Variants in VPS35L observed in about 807,000 individuals in gnomAD.
The protein encoded by VPS35L is VPS35 endosomal protein sorting factor like.
Under a neutral mutation model 133.0 loss-of-function variants are expected in VPS35L, and 83 were observed. That is an observed-to-expected ratio of 0.62 (90% confidence interval 0.52 to 0.75). The LOEUF (loss-of-function observed/expected upper bound fraction) is 0.75, where lower values mean the gene tolerates loss of function less well. VPS35L is among the 30% of genes least tolerant of loss of function. The pLI is 0.00. For synonymous variants in VPS35L, 423 were observed against 449.9 expected (o/e 0.94, Z 0.76); for missense variants, 1,083 against 1,206.8 (o/e 0.90, Z 1.52).
rs774068706 is a variant in VPS35L, at chr16:19,637,580, T to C, written c.1636-14T>C. On this transcript the variant is annotated splice_polypyrimidine_tract_variant and intron_variant, in intron 19 of 30. Transcript: ENST00000417362. ...AGTTTTTAAAAATAATATTTTTGTT[T>C]GTTTGTTTTACAGCTTCAGTTAATA... is the stretch of plus-strand genomic sequence containing the variant. 2 of 1,508,844 alleles carry C rather than the reference T, an allele frequency of 1.3e-6. No homozygotes were observed. The highest frequency in any genetic ancestry group is 2.8e-5 in the African/African-American group (2 of 71,080). The allele number at this position is 1,508,844 out of a possible 1,614,324, so 93.5% of individuals were successfully genotyped here. A position where few individuals can be genotyped will look rare whatever the true frequency, so the allele number is the denominator to read the frequency against.
intron 26 of VPS35L, among the ~76,000 whole-genome samples, chr16:19,656,733 A>G (rs185327173): frequency 4.6e-4 from 70 of 152,090 alleles, no homozygotes; most frequent in African/African-American, 1.7e-3. Context: ...TCAAATGATG[A>G]AAGTATGCCA....
rs1323923053 is a variant in VPS35L at position 19,633,242 on chromosome 16, G to T, written c.1635+70G>T. 5.9e-6 allele frequency: 8 copies of T among 1,360,084 alleles called. No individual in the cohort carries two copies. The East Asian group carries it at 1.8e-4, about 31-fold the overall frequency. The allele number at this position is 1,360,084 out of a possible 1,614,324, so 84.3% of individuals were successfully genotyped here. On this transcript the variant is annotated intron_variant, in intron 19 of 30. Coordinates refer to ENST00000417362, the MANE Select transcript of VPS35L (RefSeq NM_020314.7). This position sits in a 1 kb window ranked among gnomAD's most constrained non-coding sequence, Gnocchi z 4.1. The stretch of plus-strand genomic sequence containing the variant: ...TTCTGTTGAATTAAATAGGCGTGTT[G>T]TATGGGTCAGGCTATAAAGGCACAT...
Position 19,644,794 on chromosome 16 carries a change from A to G in VPS35L, c.1866-92A>G, listed in dbSNP as rs1973886441. The stretch of plus-strand genomic sequence containing the variant: ...AATCTAGAAAATGCAAAATGTTCTT[A>G]CCTGTTAAATTACTTACCCCTTGTG... On this transcript the variant is annotated intron_variant, in intron 22 of 30. Transcript: ENST00000417362. 9 of 844,658 alleles carry G rather than the reference A, an allele frequency of 1.1e-5. No homozygotes were observed. In the South Asian group the frequency reaches 1.8e-4, roughly 17 times the overall value. 52.3% of individuals were successfully genotyped at this position (844,658 alleles called of 1,614,324 possible).
At chr16:19,675,250 C>CTT (rs61213469) in intron 27 of VPS35L, among the ~76,000 whole-genome samples, 35 of 141,184 alleles carry the variant, frequency 2.5e-4, no homozygotes, top group South Asian at 6.7e-4. Flanking sequence ...TGCACCCAGT[C>CTT]TTTTTTTTTT....
chr16:19,561,348 G>A (rs1971024409), intron 1 of VPS35L, among the ~76,000 whole-genome samples: 1 of 152,136 alleles, frequency 6.6e-6, no homozygotes, highest in Non-Finnish European at 1.5e-5. Context: ...TCCAGCCTGG[G>A]CGACAGAGTG....
intron 25 of VPS35L, 38 bp downstream of exon 25, chr16:19,650,497 C>A (rs778822698): frequency 6.7e-7 from 1 of 1,498,240 alleles, no homozygotes; most frequent in Non-Finnish European, 9.3e-7. Flanking sequence ...ACCTCGAACT[C>A]CAGTGGGCTG....
intron 8 of VPS35L, among the ~76,000 whole-genome samples, chr16:19,596,565 G>A (rs1419455418): frequency 6.6e-6 from 1 of 151,794 alleles, no homozygotes; most frequent in African/African-American, 2.4e-5. Flanking sequence ...ATGAGTCACT[G>A]CACCTGGCCT....
At chr16:19,580,572 C>T (rs1178337807) in intron 6 of VPS35L, among the ~76,000 whole-genome samples, 1 of 152,126 alleles carries the variant, frequency 6.6e-6, no homozygotes, top group Non-Finnish European at 1.5e-5. Context: ...GGAGCATTTA[C>T]TGTGCGTCAG....
chr16:19,589,656 AG>A (rs2151525944), intron 7 of VPS35L, among the ~76,000 whole-genome samples: 1 of 152,374 alleles, frequency 6.6e-6, no homozygotes, highest in South Asian at 2.1e-4. Flanking sequence ...TAATTTAAAA[AG>A]TAACTTCAAT....
intron 19 of VPS35L, 22 bp from the exon 20 acceptor site, chr16:19,637,571 AT>A: frequency 1.3e-6 from 2 of 1,481,530 alleles, no homozygotes; most frequent in Admixed American, 2.1e-5. Flanking sequence ...TAAAAATAAT[AT>A]TTTTGTTTGT....
At chr16:19,609,577 G>A (rs780061689) in intron 11 of VPS35L, among the ~76,000 whole-genome samples, 1 of 152,194 alleles carries the variant, frequency 6.6e-6, no homozygotes. Context: ...GTAGTTACAG[G>A]ACGTGGGGGA....
intron 19 of VPS35L, among the ~76,000 whole-genome samples, chr16:19,634,979 T>G (rs565396108): frequency 6.6e-6 from 1 of 152,276 alleles, no homozygotes; most frequent in South Asian, 2.1e-4. Flanking sequence ...TGTATAGCAT[T>G]TCAGTTGAGA....
chr16:19,563,598 T>C (rs1461327435), intron 1 of VPS35L, among the ~76,000 whole-genome samples: 1 of 152,240 alleles, frequency 6.6e-6, no homozygotes, highest in Non-Finnish European at 1.5e-5. Flanking sequence ...AAATTCTGCC[T>C]GTCGTCCTGT....
intron 27 of VPS35L, among the ~76,000 whole-genome samples, chr16:19,678,907 A>G (rs1597427638): frequency 6.6e-6 from 1 of 152,236 alleles, no homozygotes; most frequent in East Asian, 1.9e-4. Context: ...GCTCACGGAA[A>G]TGGCTCACTA....
At chr16:19,557,975 C>T (rs753230491) in intron 1 of VPS35L, among the ~76,000 whole-genome samples, 2 of 151,800 alleles carry the variant, frequency 1.3e-5, no homozygotes, top group African/African-American at 2.4e-5. Context: ...CGCTTGATCC[C>T]GGGAGAATCA....
At chr16:19,669,984 G>A (rs1225494383) in intron 27 of VPS35L, among the ~76,000 whole-genome samples, 3 of 151,674 alleles carry the variant, frequency 2.0e-5, no homozygotes, top group Non-Finnish European at 4.4e-5. Context: ...TTGTGTGTTT[G>A]TTTAGGAGTC....
chr16:19,626,258 A>C (rs1238993791), intron 15 of VPS35L, 35 bp downstream of exon 15: 1 of 1,523,430 alleles, frequency 6.6e-7, no homozygotes, highest in Non-Finnish European at 9.1e-7. Flanking sequence ...CATGAGTTTG[A>C]AAATGGCGTT....
intron 26 of VPS35L, among the ~76,000 whole-genome samples, chr16:19,665,515 CT>C (rs1416524996): frequency 6.6e-5 from 10 of 152,298 alleles, no homozygotes; most frequent in Admixed American, 2.6e-4. Flanking sequence ...ACAGAATCTC[CT>C]TTTTTATGGC....
At chr16:19,583,165 T>C (rs9929848) in intron 7 of VPS35L, among the ~76,000 whole-genome samples, 16,312 of 152,126 alleles carry the variant, frequency 0.11, 1,378 homozygotes, top group African/African-American at 0.24. Flanking sequence ...ACTTAACTTA[T>C]AGAGTTGTGC....
Sources: allele counts gnomAD v4.1 joint callset (sites outside exome capture counted in the v4.1 genomes callset), GRCh38; gene constraint gnomAD v4.1.1; non-coding constraint Gnocchi (gnomAD v3.1); transcripts MANE v1.5; gene names NCBI Gene and HGNC (gene_info 2026-07-23, HGNC 2026-07-21).